Variants in CACNA1C observed in about 807,000 individuals in gnomAD.
CACNA1C encodes the protein voltage-dependent L-type calcium channel subunit alpha-1C.
Under a neutral mutation model 229.0 loss-of-function variants are expected in CACNA1C, and 30 were observed. That is an observed-to-expected ratio of 0.13 (90% CI 0.10 to 0.18). The LOEUF is 0.18. Among genes scored for constraint, CACNA1C ranks in the 10% least tolerant of loss-of-function variants. The pLI, the probability that CACNA1C is intolerant of heterozygous loss-of-function variation, is 1.00. For missense variants in CACNA1C, 1,658 were observed against 2,845.0 expected, an observed-to-expected ratio of 0.58 and a Z score of 9.49; for synonymous variants, 1,114 against 1,132.5, an observed-to-expected ratio of 0.98 and a Z score of 0.33.
rs1459374386 is a variant in CACNA1C, at chr12:1,971,587, A to C, written c.139+386A>C. Among the ~76,000 whole-genome samples the C allele has an allele frequency of 1.3e-5, 2 of 152,234 alleles. No homozygotes were observed. The highest frequency in any genetic ancestry group is 2.9e-5 in the Non-Finnish European group (2 of 68,032). On this transcript the variant is annotated intron_variant, in intron 1 of 46. Coordinates refer to the CACNA1C transcript ENST00000682462. This position sits in a 1 kb window ranked among gnomAD's most constrained non-coding sequence, Gnocchi z 4.2. ...GGCAGAGAGCAAGCTGATTATATTCAGTAGTGGTATTTTCTTTTTAAATTT... is the reference window on the plus strand; with the variant it reads ...GGCAGAGAGCAAGCTGATTATATTCCGTAGTGGTATTTTCTTTTTAAATTT...
At chr12:2,449,679 C>T (rs2099340393) in intron 4 of CACNA1C, among the ~76,000 whole-genome samples, 1 of 152,258 alleles carries the variant, frequency 6.6e-6, no homozygotes. Flanking sequence ...AGCATGCACA[C>T]ACGGTTGGAC....
chr12:2,256,047 C>CAATCACACGATCCTGACCTTGCTAG (rs2077475642), intron 3 of CACNA1C, among the ~76,000 whole-genome samples: 38 of 18,944 alleles, frequency 2.0e-3, no homozygotes, highest in East Asian at 2.9e-3. Flanking sequence ...GACCTGACTA[C>CAATCACACGATCCTGACCTTGCTAG]TTTACAATCA....
chr12:2,157,228 G>A (rs1268228385), intron 3 of CACNA1C, among the ~76,000 whole-genome samples: 1 of 152,178 alleles, frequency 6.6e-6, no homozygotes, highest in Non-Finnish European at 1.5e-5. Flanking sequence ...ATTCCACAAT[G>A]TAAACATGCT....
At chr12:2,477,646 G>A (rs2099637117) in intron 5 of CACNA1C, among the ~76,000 whole-genome samples, 1 of 152,184 alleles carries the variant, frequency 6.6e-6, no homozygotes, top group Admixed American at 6.5e-5. Flanking sequence ...GGAGTAGGGT[G>A]AGGTCAGGTT....
At chr12:2,331,791 A>G (rs528131345) in intron 3 of CACNA1C, among the ~76,000 whole-genome samples, 3 of 152,058 alleles carry the variant, frequency 2.0e-5, no homozygotes, top group African/African-American at 7.3e-5. Context: ...ACAAACCCAA[A>G]TTGAGGGACA....
At position 2,665,102 on chromosome 12, in the gene CACNA1C, G is replaced by C; in HGVS notation, c.4398+112G>C. On this transcript the variant is annotated intron_variant, in intron 35 of 46. Coordinates refer to ENST00000399655, the MANE Select transcript of CACNA1C (RefSeq NM_000719.7). This position sits in a 1 kb window ranked among gnomAD's most constrained non-coding sequence, Gnocchi z 5.9. ...CAGGGCAACCCTATCAGAGGAGCTG[G>C]CTTGGGAAGACTAAGTTGGCAGGAG... 8.5e-7 allele frequency: 1 copy of C among 1,169,942 alleles called. No homozygotes were observed. Among genetic ancestry groups the C allele is most frequent in the Non-Finnish European group, 1.2e-6 (1 of 816,434 alleles). The allele number at this position is 1,169,942 out of a possible 1,614,324, so 72.5% of individuals were successfully genotyped here. A position where few individuals can be genotyped will look rare whatever the true frequency, so the allele number is the denominator to read the frequency against.
At chr12:2,388,070 A>G (rs1389393696) in intron 3 of CACNA1C, among the ~76,000 whole-genome samples, 1 of 152,186 alleles carries the variant, frequency 6.6e-6, no homozygotes, top group Non-Finnish European at 1.5e-5. Flanking sequence ...TCTCACTTAT[A>G]TGTGGAATCT....
At chr12:2,506,070 G>T (rs189971389) in intron 8 of CACNA1C, among the ~76,000 whole-genome samples, 192 of 152,238 alleles carry the variant, frequency 1.3e-3, no homozygotes, top group Middle Eastern at 3.4e-3. Flanking sequence ...TCAGAGCTGC[G>T]TAGAGGAAAG....
intron 3 of CACNA1C, among the ~76,000 whole-genome samples, chr12:2,126,657 G>A (rs1225958833): frequency 6.6e-6 from 1 of 152,194 alleles, no homozygotes; most frequent in Non-Finnish European, 1.5e-5. Context: ...TTCCTTCAGA[G>A]GTTGTGAGAG....
intron 3 of CACNA1C, among the ~76,000 whole-genome samples, chr12:2,214,839 G>C (rs1283764949): frequency 1.3e-5 from 2 of 151,314 alleles, no homozygotes; most frequent in East Asian, 3.9e-4. Flanking sequence ...AGGTTCCTTT[G>C]ACCCCATCCC....
At chr12:2,615,021 G>A (rs2079749842) in intron 29 of CACNA1C, 1 of 152,008 alleles carries the variant, frequency 6.6e-6, no homozygotes, top group African/African-American at 2.4e-5. Context: ...ACATAAACCA[G>A]TTTAGATTGA....
In CACNA1C at chr12:1,971,564, C is replaced by A. The variant is rs1347961894; in HGVS notation, c.139+363C>A. Among the ~76,000 whole-genome samples the A allele has an allele frequency of 6.6e-6, 1 of 152,140 alleles. No individual in the cohort carries two copies. The highest frequency in any genetic ancestry group is 1.5e-5 in the Non-Finnish European group (1 of 68,018). On this transcript the variant is annotated intron_variant, in intron 1 of 46. Transcript: ENST00000682462. The surrounding 1 kb of genome is among the most constrained non-coding windows in gnomAD (Gnocchi z 4.2). ...ATTTTTTAGGTCCACAAAGACAAGG[C>A]AGAGAGCAAGCTGATTATATTCAGT...
intron 15 of CACNA1C, 103 bp from the exon 16 acceptor site, chr12:2,584,400 T>A (rs2061661758): frequency 1.3e-6 from 1 of 750,648 alleles, no homozygotes; most frequent in Admixed American, 2.0e-5. Flanking sequence ...TCAAGCTCTC[T>A]CTGCTGAGGA....
chr12:2,067,545 G>A lies in CACNA1C; in HGVS notation c.49+13934G>A, dbSNP rs1418421096. ...GAAGACAGACTTTATTGGTTTCACA[G>A]TTTGGCCTCCAGAGGGTCTTCTGGG... On this transcript the variant is annotated intron_variant, in intron 1 of 46. Transcript: ENST00000399655. This position sits in a 1 kb window ranked among gnomAD's most constrained non-coding sequence, Gnocchi z 5.3. Among the ~76,000 whole-genome samples, 1 of 151,892 alleles carries A rather than the reference G, an allele frequency of 6.6e-6. No individual in the cohort carries two copies. The highest frequency in any genetic ancestry group is 2.4e-5 in the African/African-American group (1 of 41,376).
Position 2,197,298 on chromosome 12 carries a change from G to A in CACNA1C, c.477+76868G>A, listed in dbSNP as rs910749052. On this transcript the variant is annotated intron_variant, in intron 3 of 46. Coordinates refer to ENST00000399655, the MANE Select transcript of CACNA1C (RefSeq NM_000719.7). ...AGATTCCACACTTGGAAATGCATGT[G>A]TTCCTCTCTGGGAAGACCTCCTTGC... Among the ~76,000 whole-genome samples, 14 of 152,296 alleles carry A rather than the reference G, an allele frequency of 9.2e-5. No homozygotes were observed. In the South Asian group the frequency reaches 1.9e-3, roughly 20 times the overall value.
In CACNA1C at chr12:2,547,721, T is replaced by G. The variant is rs10848674; in HGVS notation, c.1391-2222T>G. Among the ~76,000 whole-genome samples the G allele has an allele frequency of 0.6, 91,988 of 152,152 alleles. 30,914 individuals are homozygous for G. Among genetic ancestry groups the G allele is most frequent in the Non-Finnish European group, 0.74 (50,138 of 68,000 alleles). ...CCCCTCAAAGCCACTGCCTTATCAT[T>G]GCTTCATATGTGTAAAGTCAGTGGG... On this transcript the variant is annotated intron_variant, in intron 9 of 46. Transcript: ENST00000399655.
rs148337862 is a variant in CACNA1C, at chr12:2,023,065, C to T, written c.139+51864C>T. Among the ~76,000 whole-genome samples, 4 of 152,152 alleles carry T rather than the reference C, an allele frequency of 2.6e-5. No homozygotes were observed. The East Asian group carries it at 7.8e-4, about 29-fold the overall frequency. On this transcript the variant is annotated intron_variant, in intron 1 of 46. Transcript: ENST00000682462. The stretch of plus-strand genomic sequence containing the variant: ...TCTTAATAAGTTTTGAACAGGGAGC[C>T]CTGTATTTTCATTCTGCACTGAGCC...
chr12:2,676,744 C>G, intron 39 of CACNA1C: 1 of 176,480 alleles, frequency 5.7e-6, no homozygotes, highest in South Asian at 1.3e-4. Flanking sequence ...AAAAAAAAAG[C>G]GGGAAATAAT....
intron 3 of CACNA1C, among the ~76,000 whole-genome samples, chr12:2,309,798 C>T (rs886971930): frequency 4.6e-5 from 7 of 152,220 alleles, no homozygotes; most frequent in African/African-American, 1.7e-4. Flanking sequence ...CCCCTGCCTT[C>T]TGGCGACTTA....
Sources: allele counts gnomAD v4.1 joint callset (sites outside exome capture counted in the v4.1 genomes callset), GRCh38; gene constraint gnomAD v4.1.1; non-coding constraint Gnocchi (gnomAD v3.1); transcripts MANE v1.5; gene names NCBI Gene and HGNC (gene_info 2026-07-23, HGNC 2026-07-21).